The following ZNF284 variants were observed in gnomAD, a reference collection of about 807,000 sequenced individuals.
ZNF284 encodes zinc finger protein 284.
Under a neutral mutation model 12.9 loss-of-function variants are expected in ZNF284, and 12 were observed. The ratio of observed to expected loss-of-function variants is 0.93; its 90% CI spans 0.60 to 1.51. The LOEUF is 1.51. Ranked by LOEUF, ZNF284 falls within the 40% of genes most tolerant of loss-of-function variation. The pLI is 0.00. For synonymous variants in ZNF284, 225 were observed against 236.5 expected, an observed-to-expected ratio of 0.95 and a Z score of 0.45; for missense variants, 667 against 707.3, an observed-to-expected ratio of 0.94 and a Z score of 0.65.
chr19:44,084,958 C>T (rs1224386594), intron 4 of ZNF284, among the ~76,000 whole-genome samples: 2 of 152,074 alleles, frequency 1.3e-5, no homozygotes, highest in Non-Finnish European at 2.9e-5. Context: ...CCACAGGGGT[C>T]GAGGGCCTCT....
intron 1 of ZNF284, among the ~76,000 whole-genome samples, chr19:44,075,390 G>A (rs1967011698): frequency 6.6e-6 from 1 of 152,302 alleles, no homozygotes; most frequent in East Asian, 1.9e-4. Context: ...TAAATTTCAT[G>A]TTTACGTTTA....
rs1241116347 is a variant in ZNF284, at chr19:44,078,008, G to A, written c.15+1604G>A. On this transcript the variant is annotated intron_variant, in intron 2 of 4. Transcript: ENST00000421176. The stretch of plus-strand genomic sequence containing the variant: ...TATAGAAAATCTTTAAATTCCTAAT[G>A]GCAAAGATGGCTTATAGAGTGTTAC... 2.0e-5 allele frequency among the ~76,000 whole-genome samples: 3 copies of A among 152,124 alleles called. No individual in the cohort carries two copies. The East Asian group carries it at 5.8e-4, about 29-fold the overall frequency.
chr19:44,075,759 A>G (rs139328631), intron 1 of ZNF284, among the ~76,000 whole-genome samples: 2 of 152,168 alleles, frequency 1.3e-5, no homozygotes, highest in African/African-American at 4.8e-5. Flanking sequence ...ATTTTTTCCA[A>G]TTCTATCAAG....
intron 4 of ZNF284, among the ~76,000 whole-genome samples, chr19:44,083,503 G>GAGAGAGAGAGAGAGAGAGAGAGAGAGA (rs1568522606): frequency 4.5e-5 from 1 of 22,418 alleles, no homozygotes; most frequent in African/African-American, 9.7e-5. Context: ...AGAGAGAGAG[G>GAGAGAGAGAGAGAGAGAGAGAGAGAGA]GAATGGAATA....
At chr19:44,085,580 G>A (rs1415615408) in intron 4 of ZNF284, 134 bp from the exon 5 acceptor site, 25 of 758,532 alleles carry the variant, frequency 3.3e-5, no homozygotes, top group East Asian at 5.2e-5. Context: ...ACGAGAGACC[G>A]TGGTGCACTT....
At chr19:44,085,276 T>A (rs1967211699) in intron 4 of ZNF284, 1 of 157,354 alleles carries the variant, frequency 6.4e-6, no homozygotes, top group Non-Finnish European at 1.4e-5. Flanking sequence ...CATTCCAGTT[T>A]TACCATATGT....
In ZNF284 at chr19:44,072,498, G is replaced by A. The variant is rs138843872; in HGVS notation, c.-69+207G>A. Among the ~76,000 whole-genome samples, 1,127 of 152,250 alleles carry A rather than the reference G, an allele frequency of 7.4e-3. 9 individuals are homozygous for A. Among genetic ancestry groups the A allele is most frequent in the South Asian group, 0.055 (268 of 4,830 alleles). On this transcript the variant is annotated intron_variant, in intron 1 of 4. Transcript: ENST00000421176. ...TGAGGCTACTTTCTCACAATTTAGG[G>A]TTGGGATGTTATTAATCTCCCTGTA...
chr19:44,085,692 T>A, intron 4 of ZNF284, 22 bp from the exon 5 acceptor site: 1 of 1,582,034 alleles, frequency 6.3e-7, no homozygotes, highest in South Asian at 1.2e-5. Context: ...TACCCACATC[T>A]CTTAATTCTG....
At chr19:44,083,030 G>A (rs1967152885) in intron 4 of ZNF284, among the ~76,000 whole-genome samples, 1 of 152,104 alleles carries the variant, frequency 6.6e-6, no homozygotes, top group Non-Finnish European at 1.5e-5. Context: ...GTTTATATAT[G>A]CTCTTCTTTC....
rs1243293794 is a variant in ZNF284, at chr19:44,088,325, A to G, written c.*1065A>G. 2 of 152,160 alleles carry G rather than the reference A, an allele frequency of 1.3e-5. No homozygotes were observed. Among genetic ancestry groups the G allele is most frequent in the African/African-American group, 4.8e-5 (2 of 41,436 alleles). The allele number at this position is 152,160 out of a possible 1,614,324, so 9.4% of individuals were successfully genotyped here. ...ACATCACTCAACATCATGTTCTCCA[A>G]AGCTTATCTTTATCTTGCCATAAAT... On this transcript the variant is annotated 3_prime_UTR_variant, in exon 5 of 5. Coordinates refer to ENST00000421176, the MANE Select transcript of ZNF284 (RefSeq NM_001037813.4).
In ZNF284 at chr19:44,086,064, G is replaced by A. The variant is rs753718992; in HGVS notation, c.586G>A (p.Val196Ile). 2.5e-6 allele frequency: 4 copies of A among 1,614,202 alleles called. No homozygotes were observed. Among genetic ancestry groups the A allele is most frequent in the Middle Eastern group, 1.6e-4 (1 of 6,062 alleles). The change falls in exon 5 of 5, where the codon GTT (valine) becomes ATT (isoleucine). Residue 196 changes from valine to isoleucine, a missense_variant. Physicochemically the swap from Val to Ile is conservative, Grantham distance 29. Coordinates refer to ENST00000421176, the MANE Select transcript of ZNF284 (RefSeq NM_001037813.4). ...CTCAGCTCTTTGTCTTCATCAGAAA[G>A]TTCACATGGGAGAGAAACGCTATAA... The part of the protein sequence containing the change: ...YSSALCLHQK[V>I]HMGEKRYKCD...
At chr19:44,080,858 G>A (rs1967109989) in intron 2 of ZNF284, among the ~76,000 whole-genome samples, 157 bp from the exon 3 acceptor site, 1 of 152,166 alleles carries the variant, frequency 6.6e-6, no homozygotes, top group Admixed American at 6.5e-5. Flanking sequence ...GTGTCATTGC[G>A]AGGATACAGA....
intron 3 of ZNF284, among the ~76,000 whole-genome samples, chr19:44,081,696 A>G (rs1226698675): frequency 6.6e-6 from 1 of 152,118 alleles, no homozygotes; most frequent in Non-Finnish European, 1.5e-5. Context: ...TGGGCGACAG[A>G]GCGAGACTCC....
chr19:44,088,005 G>T lies in ZNF284; in HGVS notation c.*745G>T, dbSNP rs1967291900. ...ACCTGGACTTGAACTCCTGACTTCA[G>T]ATGATCCGCCCACCTCGGCCTCCCA... is the stretch of plus-strand genomic sequence containing the variant. On this transcript the variant is annotated 3_prime_UTR_variant, in exon 5 of 5. Transcript: ENST00000421176. The T allele has an allele frequency of 6.6e-6, 1 of 152,176 alleles. No individual in the cohort carries two copies. Among genetic ancestry groups the T allele is most frequent in the Admixed American group, 6.6e-5 (1 of 15,264 alleles). The allele number at this position is 152,176 out of a possible 1,614,324, so 9.4% of individuals were successfully genotyped here.
chr19:44,087,222 C>G lies in ZNF284; in HGVS notation c.1744C>G (p.Leu582Val). The change falls in exon 5 of 5, where the codon CTA becomes GTA. Residue 582 changes from leucine to valine, a missense_variant. Leu to Val is a conservative substitution (Grantham distance 32, BLOSUM62 1). Coordinates refer to ENST00000421176, the MANE Select transcript of ZNF284 (RefSeq NM_001037813.4). ...GAAGCGCTACGAGAGGCGCTTGAAT[C>G]TAGATATGATTTTATCATTATTTTT... ...CGKRYERRLN[L>V]DMILSLFLND... The G allele has an allele frequency of 6.3e-7, 1 of 1,591,868 alleles. No individual in the cohort carries two copies. Among genetic ancestry groups the G allele is most frequent in the Non-Finnish European group, 8.5e-7 (1 of 1,169,642 alleles).
In ZNF284 at chr19:44,086,698, G is replaced by A. The variant is rs192483922; in HGVS notation, c.1220G>A (p.Arg407Lys). ...TTFKCDGCGK[R>K]FYMNSQGHSH... ...TTCAAGTGCGACGGATGTGGGAAGA[G>A]ATTTTATATGAATTCACAGGGCCAT... The change falls in exon 5 of 5, where the codon AGA becomes AAA. Residue 407 changes from arginine to lysine, a missense_variant. By Grantham distance (26) the Arg-to-Lys change is conservative (BLOSUM62 2). Transcript: ENST00000421176. 1 of 1,614,116 alleles carries A rather than the reference G, an allele frequency of 6.2e-7. No homozygotes were observed. Among genetic ancestry groups the A allele is most frequent in the Admixed American group, 1.7e-5 (1 of 60,022 alleles).
In ZNF284 at chr19:44,083,995, G is replaced by A. The variant is rs891589059; in HGVS notation, c.236-1719G>A. Among the ~76,000 whole-genome samples, 11 of 152,178 alleles carry A rather than the reference G, an allele frequency of 7.2e-5. No individual in the cohort carries two copies. The South Asian group carries it at 1.2e-3, about 17-fold the overall frequency. On this transcript the variant is annotated intron_variant, in intron 4 of 4. Coordinates refer to ENST00000421176, the MANE Select transcript of ZNF284 (RefSeq NM_001037813.4). ...CCAGACAGCATGCTTGGGCACCTGC[G>A]GCAGGGTTCTGGGTCTGTTGTAAAG...
chr19:44,089,082 T>A lies in ZNF284; in HGVS notation c.*1822T>A, dbSNP rs1433154059. 3 of 150,946 alleles carry A rather than the reference T, an allele frequency of 2.0e-5. No individual in the cohort carries two copies. Among genetic ancestry groups the A allele is most frequent in the Non-Finnish European group, 2.9e-5 (2 of 67,920 alleles). 9.4% of individuals were successfully genotyped at this position (150,946 alleles called of 1,614,324 possible). Reference sequence around the variant, plus strand: ...CTCCCTCCTCAGCCTTCCAAAGTGCTGGGATTACAGGCCTGAGCCATGCGC... The same window carrying A: ...CTCCCTCCTCAGCCTTCCAAAGTGCAGGGATTACAGGCCTGAGCCATGCGC... On this transcript the variant is annotated 3_prime_UTR_variant, in exon 5 of 5. Transcript: ENST00000421176.
Position 44,081,109 on chromosome 19 carries a change from T to C in ZNF284, c.110T>C (p.Met37Thr). Residue 37 changes from methionine to threonine, a missense_variant, in exon 3 of 5, where the codon ATG becomes ACG. Transcript: ENST00000421176. ...VSQRKLYRDV[M>T]LENFRNLLSV... ...CAGAGGAAGCTGTATCGAGATGTCATGCTGGAGAACTTCAGAAACCTGCTA... is the reference window on the plus strand; with the variant it reads ...CAGAGGAAGCTGTATCGAGATGTCACGCTGGAGAACTTCAGAAACCTGCTA... 6.2e-6 allele frequency: 10 copies of C among 1,612,932 alleles called. No individual in the cohort carries two copies. Among genetic ancestry groups the C allele is most frequent in the Non-Finnish European group, 8.5e-6 (10 of 1,179,252 alleles).
Sources: allele counts gnomAD v4.1 joint callset (sites outside exome capture counted in the v4.1 genomes callset), GRCh38; gene constraint gnomAD v4.1.1; transcripts MANE v1.5; gene names NCBI Gene and HGNC (gene_info 2026-07-23, HGNC 2026-07-21).